Variants in ARHGEF9 observed in about 807,000 individuals in gnomAD.
ARHGEF9 encodes the protein Cdc42 guanine nucleotide exchange factor 9.
In ARHGEF9, 2 loss-of-function variants were observed where a neutral mutation model predicts 41.3. The ratio of observed to expected loss-of-function variants is 0.05; its 90% CI spans 0.02 to 0.15. The LOEUF (loss-of-function observed/expected upper bound fraction) is 0.15, where lower values mean the gene tolerates loss of function less well. Ranked by LOEUF, ARHGEF9 falls within the 10% of genes least tolerant of loss-of-function variation. ARHGEF9 has a pLI of 1.00. For synonymous variants in ARHGEF9, 160 were observed against 154.4 expected (o/e 1.04, Z -0.27); for missense variants, 225 against 424.7 (o/e 0.53, Z 4.13).
At chrX:63,665,343 T>G (rs2049465149) in intron 7 of ARHGEF9, among the ~76,000 whole-genome samples, 1 of 111,880 alleles carries the variant, frequency 8.9e-6, no homozygotes, top group African/African-American at 3.2e-5. Flanking sequence ...AAGAGCACGG[T>G]TGGGGGTTGT....
At chrX:63,666,453 T>TACACACACAC (rs782805278) in intron 6 of ARHGEF9, among the ~76,000 whole-genome samples, 19,237 of 80,989 alleles carry the variant, frequency 0.24, 2,016 homozygotes, top group Admixed American at 0.3. Context: ...TATATATACA[T>TACACACACAC]ACACACACAC....
At chrX:63,694,265 A>G (rs1197474124) in intron 4 of ARHGEF9, among the ~76,000 whole-genome samples, 2 of 112,126 alleles carry the variant, frequency 1.8e-5, no homozygotes, top group African/African-American at 6.5e-5. Flanking sequence ...AGTAGTGAAA[A>G]TGCAAAATGG....
intron 1 of ARHGEF9, 191 bp from the exon 2 acceptor site, chrX:63,724,902 A>G (rs1319076399): frequency 8.7e-6 from 4 of 461,358 alleles, no homozygotes; most frequent in Non-Finnish European, 1.5e-5. Context: ...ACTCTCTGTT[A>G]GCCAGTGCAT....
At chrX:63,647,229 C>T (rs1362902581) in intron 8 of ARHGEF9, among the ~76,000 whole-genome samples, 4 of 111,204 alleles carry the variant, frequency 3.6e-5, no homozygotes, top group Admixed American at 9.6e-5. Context: ...TATTTCCTTC[C>T]CCTGCCTGAT....
At chrX:63,693,642 CATAA>C (rs1556384221) in intron 4 of ARHGEF9, among the ~76,000 whole-genome samples, 1 of 106,935 alleles carries the variant, frequency 9.4e-6, no homozygotes, top group African/African-American at 3.4e-5. Flanking sequence ...ACATGTACCC[CATAA>C]ATAAGTAAAT....
intron 1 of ARHGEF9, among the ~76,000 whole-genome samples, chrX:63,730,956 T>C (rs1273568219): frequency 8.9e-6 from 1 of 112,260 alleles, no homozygotes; most frequent in Non-Finnish European, 1.9e-5. Flanking sequence ...TCTTCCCCTC[T>C]AGTTCAACAG....
At chrX:63,676,886 A>C (rs1395777913) in intron 5 of ARHGEF9, among the ~76,000 whole-genome samples, 1 of 112,497 alleles carries the variant, frequency 8.9e-6, no homozygotes, top group Non-Finnish European at 1.9e-5. Context: ...GTGGTGGGTA[A>C]CTACTATATT....
chrX:63,735,266 C>T (rs1321265193), intron 1 of ARHGEF9, among the ~76,000 whole-genome samples: 3 of 111,476 alleles, frequency 2.7e-5, no homozygotes, highest in Non-Finnish European at 5.6e-5. Context: ...TAGGACCAGT[C>T]CTGGGAGCTT....
chrX:63,756,875 A>G (rs1391007674), intron 1 of ARHGEF9, among the ~76,000 whole-genome samples: 1 of 111,623 alleles, frequency 9.0e-6, no homozygotes, highest in African/African-American at 3.3e-5. Flanking sequence ...AACCCACTGC[A>G]TCCTGGCTTT....
intron 3 of ARHGEF9, among the ~76,000 whole-genome samples, chrX:63,700,023 T>C (rs1556393712): frequency 9.0e-6 from 1 of 111,628 alleles, no homozygotes; most frequent in East Asian, 2.8e-4. Context: ...TGATCAAAAA[T>C]GGGATAAAAG....
intron 7 of ARHGEF9, among the ~76,000 whole-genome samples, chrX:63,659,347 T>C (rs1196990084): frequency 6.2e-5 from 7 of 112,181 alleles, no homozygotes; most frequent in Non-Finnish European, 1.3e-4. Context: ...GGTGAGCAGG[T>C]GCTCAAAACA....
At chrX:63,759,613 T>C (rs2055998192) in intron 1 of ARHGEF9, among the ~76,000 whole-genome samples, 2 of 112,099 alleles carry the variant, frequency 1.8e-5, no homozygotes, top group African/African-American at 6.5e-5. Context: ...GGGATAATAA[T>C]GCCCTCAAAT....
intron 8 of ARHGEF9, among the ~76,000 whole-genome samples, chrX:63,646,079 TG>T (rs1556313633): frequency 8.9e-6 from 1 of 111,900 alleles, no homozygotes; most frequent in African/African-American, 3.3e-5. Context: ...TGGGGTTGTT[TG>T]TTTTTTTCTT....
At chrX:63,650,106 A>G (rs1417214355) in intron 8 of ARHGEF9, among the ~76,000 whole-genome samples, 2 of 111,691 alleles carry the variant, frequency 1.8e-5, no homozygotes, top group African/African-American at 6.5e-5. Context: ...GCCATTATAG[A>G]AAAACAGTAG....
At chrX:63,710,487 G>C (rs1556406122) in intron 2 of ARHGEF9, among the ~76,000 whole-genome samples, 4 of 110,556 alleles carry the variant, frequency 3.6e-5, no homozygotes, top group Non-Finnish European at 3.8e-5. Context: ...CACCTTACCA[G>C]ATGCGATTCC....
At chrX:63,661,591 G>C (rs1295422456) in intron 7 of ARHGEF9, among the ~76,000 whole-genome samples, 1 of 112,190 alleles carries the variant, frequency 8.9e-6, no homozygotes. Context: ...CGAAGAAAAA[G>C]AACAGAGTCT....
intron 1 of ARHGEF9, among the ~76,000 whole-genome samples, chrX:63,780,788 C>T (rs1433245922): frequency 2.7e-5 from 3 of 111,667 alleles, no homozygotes; most frequent in Non-Finnish European, 3.8e-5. Context: ...CCAGTTGCAT[C>T]GTTGGCCCCT....
chrX:63,750,452 C>G (rs1556439581), intron 1 of ARHGEF9, among the ~76,000 whole-genome samples: 1 of 111,365 alleles, frequency 9.0e-6, no homozygotes, highest in African/African-American at 3.3e-5. Context: ...CTTGTCCAGC[C>G]TCCCCCGTCA....
intron 1 of ARHGEF9, among the ~76,000 whole-genome samples, chrX:63,725,147 G>A (rs1475685534): frequency 4.5e-5 from 5 of 110,337 alleles, no homozygotes; most frequent in Non-Finnish European, 7.6e-5. Flanking sequence ...CCTTGGAACT[G>A]ACCAATTGAG....
Sources: gnomAD v4.1 joint callset for allele counts (sites outside exome capture counted in the v4.1 genomes callset) on GRCh38, gnomAD v4.1.1 for gene constraint, MANE v1.5 for transcripts, NCBI Gene and HGNC (gene_info 2026-07-23, HGNC 2026-07-21) for gene names.